ANO4: variants seen among roughly 807,000 people sequenced by gnomAD.
ANO4 encodes the protein anoctamin-4.
In ANO4, 69 loss-of-function variants were observed where a neutral mutation model predicts 141.9. The observed-to-expected ratio is 0.49, with a 90% CI of 0.40 to 0.59. ANO4 has a LOEUF of 0.59. Among genes scored for constraint, ANO4 ranks in the 20% least tolerant of loss-of-function variants. ANO4 has a pLI of 0.00. For missense variants in ANO4, 894 were observed against 1,162.2 expected, an observed-to-expected ratio of 0.77 and a Z score of 3.36; for synonymous variants, 350 against 394.3, an observed-to-expected ratio of 0.89 and a Z score of 1.33.
chr12:101,043,438 T>A, intron 12 of ANO4, 101 bp from the exon 13 acceptor site: 1 of 811,936 alleles, frequency 1.2e-6, no homozygotes. Context: ...AGGGCAAACA[T>A]TTAACCTACT....
At chr12:101,049,056 A>T (rs893577963) in intron 14 of ANO4, among the ~76,000 whole-genome samples, 1 of 152,232 alleles carries the variant, frequency 6.6e-6, no homozygotes, top group African/African-American at 2.4e-5. Context: ...ATATAGAAAA[A>T]CATCTCACAA....
intron 1 of ANO4, among the ~76,000 whole-genome samples, chr12:100,822,002 T>C (rs2036081447): frequency 6.6e-6 from 1 of 151,884 alleles, no homozygotes; most frequent in Non-Finnish European, 1.5e-5. Flanking sequence ...CTTTGCTTGA[T>C]GGAAAAACAG....
chr12:101,068,988 C>T (rs566084317), intron 14 of ANO4: 5 of 790,292 alleles, frequency 6.3e-6, no homozygotes, highest in Non-Finnish European at 1.2e-5. Flanking sequence ...AAAAATCAAA[C>T]AAAGCTCTGG....
intron 2 of ANO4, among the ~76,000 whole-genome samples, chr12:100,921,882 A>G (rs571679531): frequency 1.3e-5 from 2 of 152,282 alleles, no homozygotes; most frequent in East Asian, 3.9e-4. Context: ...CATTTAATCC[A>G]TGTGGAAGCT....
intron 8 of ANO4, among the ~76,000 whole-genome samples, chr12:101,001,363 A>G (rs563132113): frequency 4.0e-3 from 602 of 152,342 alleles, no homozygotes; most frequent in Non-Finnish European, 7.2e-3. Context: ...CTTCACAGGC[A>G]GGTAGACACT....
chr12:100,743,084 A>C (rs1354226409), intron 3 of ANO4, among the ~76,000 whole-genome samples: 2 of 151,522 alleles, frequency 1.3e-5, no homozygotes, highest in Non-Finnish European at 3.0e-5. Flanking sequence ...TGGGAGAGAA[A>C]ATTAAGTAAG....
chr12:100,955,987 G>A (rs987685268), intron 5 of ANO4, among the ~76,000 whole-genome samples: 1 of 152,168 alleles, frequency 6.6e-6, no homozygotes, highest in African/African-American at 2.4e-5. Context: ...GGCTCATCAT[G>A]TCATCTTGAC....
rs997197487 is a variant in ANO4 at position 100,971,340 on chromosome 12, A to G, written c.491A>G (p.Lys164Arg). Reference sequence around the variant, plus strand: ...ATAAATAGTGACATTATCTTTGTGAAGTTGCATGCCCCATGGGAAGTCCTT... The same window carrying G: ...ATAAATAGTGACATTATCTTTGTGAGGTTGCATGCCCCATGGGAAGTCCTT... ...SLINSDIIFV[K>R]LHAPWEVLGR... is the part of the protein sequence containing the mutation. Residue 164 changes from lysine to arginine, a missense_variant, in exon 6 of 28, where the codon AAG becomes AGG. Lys to Arg is a conservative substitution (Grantham distance 26, BLOSUM62 2). Coordinates refer to ENST00000392977, the MANE Select transcript of ANO4 (RefSeq NM_001286615.2). 1.2e-6 allele frequency: 2 copies of G among 1,611,994 alleles called. No individual in the cohort carries two copies. Among genetic ancestry groups the G allele is most frequent in the South Asian group, 1.1e-5 (1 of 90,822 alleles).
At chr12:100,913,941 A>C (rs2041224817) in intron 2 of ANO4, among the ~76,000 whole-genome samples, 1 of 152,228 alleles carries the variant, frequency 6.6e-6, no homozygotes. Context: ...AAGGGTAAAC[A>C]ACATTTAGTG....
intron 24 of ANO4, among the ~76,000 whole-genome samples, chr12:101,114,794 G>T (rs1404417474): frequency 6.6e-6 from 1 of 152,068 alleles, no homozygotes; most frequent in Non-Finnish European, 1.5e-5. Context: ...TCATGTCCAG[G>T]TCTAGACAGT....
chr12:101,114,081 G>C (rs1001732322), intron 24 of ANO4, among the ~76,000 whole-genome samples: 2 of 152,166 alleles, frequency 1.3e-5, no homozygotes, highest in Admixed American at 6.5e-5. Context: ...GAGAGCTGGT[G>C]GTGGGTCACA....
chr12:101,022,957 T>C (rs748286173), intron 9 of ANO4, among the ~76,000 whole-genome samples: 4 of 152,184 alleles, frequency 2.6e-5, no homozygotes, highest in African/African-American at 4.8e-5. Context: ...GCCAGGCTGA[T>C]CTCAAACTCC....
At chr12:100,774,751 T>A (rs2033431118) in intron 3 of ANO4, among the ~76,000 whole-genome samples, 1 of 152,264 alleles carries the variant, frequency 6.6e-6, no homozygotes, top group Non-Finnish European at 1.5e-5. Flanking sequence ...TGTTTTCTAC[T>A]ATGAACACAG....
At chr12:101,099,471 C>A in intron 21 of ANO4, 107 bp from the exon 22 acceptor site, 1 of 1,100,404 alleles carries the variant, frequency 9.1e-7, no homozygotes. Context: ...ATAGCCTGTC[C>A]TGAATTTTTT....
intron 27 of ANO4, 37 bp from the exon 28 acceptor site, chr12:101,127,824 A>G (rs932789261): frequency 5.9e-5 from 9 of 152,802 alleles, no homozygotes; most frequent in African/African-American, 1.4e-4. Context: ...GCAATTGTGT[A>G]TGCATAAGAT....
intron 10 of ANO4, 139 bp from the exon 11 acceptor site, chr12:101,039,816 G>A (rs2047345798): frequency 9.0e-6 from 8 of 887,438 alleles, no homozygotes; most frequent in Non-Finnish European, 1.2e-5. Context: ...CAAACTGCCT[G>A]CCCTTTAATA....
chr12:100,727,034 G>A (rs968153635), intron 1 of ANO4, among the ~76,000 whole-genome samples: 4 of 150,314 alleles, frequency 2.7e-5, no homozygotes, highest in Admixed American at 6.6e-5. Flanking sequence ...GAAAAACATG[G>A]CCTGTAATGA....
intron 2 of ANO4, among the ~76,000 whole-genome samples, chr12:100,920,272 A>T (rs1253312201): frequency 2.0e-5 from 3 of 152,116 alleles, no homozygotes; most frequent in Non-Finnish European, 4.4e-5. Flanking sequence ...AGTGAAGAGC[A>T]TGGATTGTGA....
At chr12:100,989,703 A>G (rs1012264811) in intron 8 of ANO4, among the ~76,000 whole-genome samples, 1 of 147,280 alleles carries the variant, frequency 6.8e-6, no homozygotes, top group Non-Finnish European at 1.5e-5. Flanking sequence ...GAGTGGATAC[A>G]TGGATACATC....
Sources: allele counts gnomAD v4.1 joint callset (sites outside exome capture counted in the v4.1 genomes callset), GRCh38; gene constraint gnomAD v4.1.1; transcripts MANE v1.5; gene names NCBI Gene and HGNC (gene_info 2026-07-23, HGNC 2026-07-21).